Variants in PAK4 observed in about 807,000 individuals in gnomAD.
PAK4 encodes the protein serine/threonine-protein kinase PAK 4.
In PAK4, 49 loss-of-function variants were observed where a neutral mutation model predicts 53.5. That is an observed-to-expected ratio of 0.92 (90% confidence interval 0.73 to 1.16). PAK4 has a LOEUF of 1.16. Ranked by LOEUF, PAK4 falls within the 50% of genes most tolerant of loss-of-function variation. PAK4 has a pLI of 0.00. For missense variants in PAK4, 824 were observed against 850.7 expected, an observed-to-expected ratio of 0.97 and a Z score of 0.39; for synonymous variants, 376 against 375.6, an observed-to-expected ratio of 1.00 and a Z score of -0.01.
At position 39,173,353 on chromosome 19, in the gene PAK4, G is replaced by C; in HGVS notation, c.640G>C (p.Asp214His). 1 of 1,548,930 alleles carries C rather than the reference G, an allele frequency of 6.5e-7. No homozygotes were observed. The highest frequency in any genetic ancestry group is 8.7e-7 in the Non-Finnish European group (1 of 1,145,048). ...TAACACCTACCCGAGGGCTGACACG[G>C]ACCACCCATCCCGGGGTGCCCAGGT... Residue 214 changes from aspartate (D) to histidine (H), a missense_variant, in exon 3 of 9, where the codon GAC becomes CAC. Physicochemically the swap from Asp to His is moderately conservative, Grantham distance 81. This residue lies in a region of PAK4 where 478 missense variants were observed against 435.8 expected (regional missense o/e 1.10). Transcript: ENST00000358301. The surrounding 1 kb of genome is among the most constrained non-coding windows in gnomAD (Gnocchi z 6.9).
At chr19:39,180,451 T>TC (rs1286626852), downstream of PAK4, 5 of 152,242 alleles carry the variant, frequency 3.3e-5, no homozygotes, top group East Asian at 7.7e-4. Flanking sequence ...ATGAGATTTT[T>TC]TTTTTTTTTT....
rs57999213 is a variant in PAK4, at chr19:39,167,831, C to T, written c.-22-1701C>T. On this transcript the variant is annotated intron_variant, in intron 1 of 8. Transcript: ENST00000358301. ...AGGAGAAGTAGGTGTGGAGGGGCTA[C>T]GTGCATCTGCGCGTCCTCTGTCCTC... Among the ~76,000 whole-genome samples, 963 of 152,338 alleles carry T rather than the reference C, an allele frequency of 6.3e-3. 14 individuals are homozygous for T. Among genetic ancestry groups the T allele is most frequent in the African/African-American group, 0.022 (926 of 41,578 alleles).
At chr19:39,157,063 C>T (rs569887417) in intron 1 of PAK4, among the ~76,000 whole-genome samples, 2 of 152,240 alleles carry the variant, frequency 1.3e-5, no homozygotes, top group African/African-American at 4.8e-5. Flanking sequence ...GTCCCTGAGC[C>T]TCTCTGTGGG....
chr19:39,176,735 G>T lies in PAK4; in HGVS notation c.1485+20G>T. 1 of 1,604,996 alleles carries T rather than the reference G, an allele frequency of 6.2e-7. No individual in the cohort carries two copies. The highest frequency in any genetic ancestry group is 8.5e-7 in the Non-Finnish European group (1 of 1,179,334). ...CCAGAGGTGAGCCCCGGGGTGGCTT[G>T]GTTGTCCCGCCGTGGACAGCGTACG... On this transcript the variant is annotated intron_variant, in intron 7 of 8. Transcript: ENST00000358301.
At chr19:39,130,944 G>T (rs1294573593) in intron 1 of PAK4, among the ~76,000 whole-genome samples, 2 of 151,746 alleles carry the variant, frequency 1.3e-5, no homozygotes, top group Non-Finnish European at 2.9e-5. Flanking sequence ...GCAGAAGAGG[G>T]TGGAGAAGAC....
chr19:39,152,502 GA>G (rs1280163862), intron 1 of PAK4: 6 of 152,164 alleles, frequency 3.9e-5, no homozygotes, highest in African/African-American at 1.4e-4. Flanking sequence ...TGAAAAAGGG[GA>G]AAGTATTGAA....
chr19:39,165,836 G>C (rs1034820343), intron 1 of PAK4, among the ~76,000 whole-genome samples: 1 of 152,236 alleles, frequency 6.6e-6, no homozygotes, highest in African/African-American at 2.4e-5. Context: ...GCGAATCTCT[G>C]CAGACAGGCC....
chr19:39,143,592 CAAAAAAAAAAAAAAA>C (rs544304301), intron 1 of PAK4, among the ~76,000 whole-genome samples: 4 of 20,432 alleles, frequency 2.0e-4, no homozygotes, highest in East Asian at 4.7e-3. Flanking sequence ...GACTCTGTCT[CAAAAAAAAAAAAAAA>C]AAAAAAAAAA....
chr19:39,128,902 G>A (rs763471570), intron 1 of PAK4, among the ~76,000 whole-genome samples: 6 of 152,202 alleles, frequency 3.9e-5, no homozygotes, highest in South Asian at 2.1e-4. Context: ...GCCCAGGCCC[G>A]CCATGGAAAT....
intron 1 of PAK4, among the ~76,000 whole-genome samples, chr19:39,163,268 T>G (rs962269146): frequency 2.6e-5 from 4 of 152,068 alleles, no homozygotes; most frequent in Non-Finnish European, 4.4e-5. Context: ...TCGAGTTTCA[T>G]TTTGGTAACG....
At chr19:39,177,616 C>T (rs1037365425) in intron 7 of PAK4, 59 bp from the exon 9 acceptor site, 4 of 1,544,756 alleles carry the variant, frequency 2.6e-6, no homozygotes, top group Admixed American at 3.8e-5. Context: ...TGCCTGAGGC[C>T]TCCCCAGGAC....
At chr19:39,165,623 C>A (rs1291735365) in intron 1 of PAK4, among the ~76,000 whole-genome samples, 2 of 152,202 alleles carry the variant, frequency 1.3e-5, no homozygotes, top group African/African-American at 2.4e-5. Context: ...GGTAAGAGCC[C>A]AGCCTTCAGT....
downstream of PAK4, chr19:39,181,027 C>T (rs2074695053): frequency 6.6e-6 from 1 of 152,278 alleles, no homozygotes; most frequent in Non-Finnish European, 1.5e-5. Flanking sequence ...ATCTGTGACC[C>T]CACGGTAACT....
chr19:39,133,549 C>T (rs922090354), intron 1 of PAK4, among the ~76,000 whole-genome samples: 7 of 152,090 alleles, frequency 4.6e-5, no homozygotes, highest in Non-Finnish European at 7.4e-5. Context: ...TCGCTGTGGC[C>T]GCTTCCCCTG....
At chr19:39,162,469 G>C (rs537445036) in intron 1 of PAK4, among the ~76,000 whole-genome samples, 2 of 152,060 alleles carry the variant, frequency 1.3e-5, no homozygotes, top group African/African-American at 4.8e-5. Context: ...GGTCTCACTA[G>C]GTTGCCCAAG....
chr19:39,161,338 G>C lies in PAK4; in HGVS notation c.-22-8194G>C, dbSNP rs2144771380. 6.6e-6 allele frequency among the ~76,000 whole-genome samples: 1 copy of C among 152,358 alleles called. No individual in the cohort carries two copies. Among genetic ancestry groups the C allele is most frequent in the Admixed American group, 6.5e-5 (1 of 15,312 alleles). ...GCCCTGGAGGGAACGGACCTAGGCT[G>C]ACTGCGCCAGGCTCCGCGCCAGGTG... On this transcript the variant is annotated intron_variant, in intron 1 of 8. Coordinates refer to ENST00000358301, the Ensembl canonical transcript of PAK4. This position sits in a 1 kb window ranked among gnomAD's most constrained non-coding sequence, Gnocchi z 4.5.
At chr19:39,163,889 A>T (rs979822884) in intron 1 of PAK4, among the ~76,000 whole-genome samples, 2 of 152,148 alleles carry the variant, frequency 1.3e-5, no homozygotes, top group Non-Finnish European at 2.9e-5. Context: ...CGGAGTCCCT[A>T]CTGTGTGCTG....
In PAK4 at chr19:39,174,080, C is replaced by T. The variant is rs554243124; in HGVS notation, c.1098+70C>T. ...TCCCTCCCACCCTCCCTCCCCTCCT[C>T]CCTCCTCTCCCTGCACTCCTCCGTG... On this transcript the variant is annotated intron_variant, in intron 4 of 8. Coordinates refer to ENST00000358301, the Ensembl canonical transcript of PAK4. 85 of 951,654 alleles carry T rather than the reference C, an allele frequency of 8.9e-5. 1 individual carries two copies. In the South Asian group the frequency reaches 1.3e-3, roughly 15 times the overall value. The allele number at this position is 951,654 out of a possible 1,614,324, so 59.0% of individuals were successfully genotyped here.
In PAK4 at chr19:39,173,762, C is replaced by A. The variant is rs1038274034; in HGVS notation, c.850C>A (p.Pro284Thr). 1.9e-6 allele frequency: 3 copies of A among 1,590,088 alleles called. No individual in the cohort carries two copies. The highest frequency in any genetic ancestry group is 2.6e-6 in the Non-Finnish European group (3 of 1,170,372). Residue 284 changes from proline to threonine, a missense_variant, in exon 4 of 9, where the codon CCT (proline) becomes ACT (threonine). By Grantham distance (38) the Pro-to-Thr change is conservative (BLOSUM62 -1). This residue lies in a region of PAK4 where 478 missense variants were observed against 435.8 expected (regional missense o/e 1.10). Transcript: ENST00000358301. This position sits in a 1 kb window ranked among gnomAD's most constrained non-coding sequence, Gnocchi z 6.9. ...CTGCACCCCCGCCGCCCCTGCTGTT[C>A]CTGGGCCCCCTGGCCCCCGCTCACC...
Sources: allele counts gnomAD v4.1 joint callset (sites outside exome capture counted in the v4.1 genomes callset), GRCh38; gene constraint gnomAD v4.1.1; regional missense constraint gnomAD v4.1.1; non-coding constraint Gnocchi (gnomAD v3.1); transcripts MANE v1.5; gene names NCBI Gene and HGNC (gene_info 2026-07-23, HGNC 2026-07-21).